The following CREB5 variants were observed in gnomAD, a reference collection of about 807,000 sequenced individuals.
CREB5 encodes the protein cAMP responsive element binding protein 5, also known as cyclic AMP-responsive element-binding protein 5.
In CREB5, 19 loss-of-function variants were observed where a neutral mutation model predicts 57.1. The ratio of observed to expected loss-of-function variants is 0.33; its 90% CI spans 0.23 to 0.49. The LOEUF is 0.49. CREB5 is among the 20% of genes least tolerant of loss of function. The probability of loss-of-function intolerance (pLI) is 0.99; values close to 1 mark genes in which losing one functional copy is unlikely to be tolerated. For missense variants in CREB5, 579 were observed against 671.6 expected, an observed-to-expected ratio of 0.86 and a Z score of 1.52; for synonymous variants, 238 against 238.3, an observed-to-expected ratio of 1.00 and a Z score of 0.01.
At chr7:28,742,494 A>G (rs1231767033) in intron 7 of CREB5, among the ~76,000 whole-genome samples, 3 of 151,908 alleles carry the variant, frequency 2.0e-5, no homozygotes, top group Admixed American at 2.0e-4. Context: ...TGAACCTGGG[A>G]GGCGGAGCTT....
At chr7:28,413,111 T>A (rs1787871930) in intron 1 of CREB5, among the ~76,000 whole-genome samples, 194 bp downstream of exon 1, 1 of 151,818 alleles carries the variant, frequency 6.6e-6, no homozygotes, top group Non-Finnish European at 1.5e-5. Flanking sequence ...TGTGTGTGTG[T>A]GTGTGTGTGT....
rs138922319 is a variant in CREB5 at position 28,529,022 on chromosome 7, G to A, written c.291+21285G>A. The stretch of plus-strand genomic sequence containing the variant: ...ACCAAGGAGACACACCAGTCCTTCT[G>A]AGGCAACAAACTTGGAGGTGGAAGA... On this transcript the variant is annotated intron_variant, in intron 4 of 10. Transcript: ENST00000357727. Among the ~76,000 whole-genome samples the A allele has an allele frequency of 3.7e-3, 559 of 152,270 alleles. 1 individual carries two copies. The highest frequency in any genetic ancestry group is 0.017 in the Middle Eastern group (5 of 294).
chr7:28,549,129 A>G (rs1452923480), intron 4 of CREB5, among the ~76,000 whole-genome samples: 1 of 152,172 alleles, frequency 6.6e-6, no homozygotes, highest in Non-Finnish European at 1.5e-5. Flanking sequence ...CACCACCCTC[A>G]TTTCCATTCC....
Position 28,355,923 on chromosome 7 carries a change from C to T in CREB5, c.-25+56482C>T, listed in dbSNP as rs115808842. ...TTTTTAATGCTACTTTCTGAAGAAACGAGTGACTCAAGTCGTCCATCAGGG... is the reference window on the plus strand; with the variant it reads ...TTTTTAATGCTACTTTCTGAAGAAATGAGTGACTCAAGTCGTCCATCAGGG... On this transcript the variant is annotated intron_variant, in intron 1 of 9. Transcript: ENST00000396299. Among the ~76,000 whole-genome samples, 788 of 152,272 alleles carry T rather than the reference C, an allele frequency of 5.2e-3. 6 individuals are homozygous for T. The highest frequency in any genetic ancestry group is 0.018 in the African/African-American group (753 of 41,546).
At chr7:28,606,592 C>G (rs1396251373) in intron 5 of CREB5, among the ~76,000 whole-genome samples, 1 of 152,188 alleles carries the variant, frequency 6.6e-6, no homozygotes, top group African/African-American at 2.4e-5. Flanking sequence ...CTGATTCCTA[C>G]TTAGCCCCTG....
chr7:28,666,368 C>G (rs1799823973), intron 5 of CREB5, among the ~76,000 whole-genome samples: 1 of 152,090 alleles, frequency 6.6e-6, no homozygotes, highest in African/African-American at 2.4e-5. Context: ...GGCTAGATCC[C>G]TGTTCTTATG....
At chr7:28,516,071 A>G (rs923667096) in intron 4 of CREB5, among the ~76,000 whole-genome samples, 4 of 152,144 alleles carry the variant, frequency 2.6e-5, no homozygotes, top group East Asian at 1.9e-4. Context: ...AAAATTATCC[A>G]GGGTTGGTGG....
At chr7:28,752,259 C>T (rs1028197438) in intron 7 of CREB5, among the ~76,000 whole-genome samples, 2 of 152,130 alleles carry the variant, frequency 1.3e-5, no homozygotes, top group East Asian at 1.9e-4. Context: ...CTCTGCCTCT[C>T]GGGTTCAAGT....
At chr7:28,334,243 C>A (rs1277023447) in intron 1 of CREB5, among the ~76,000 whole-genome samples, 9 of 152,098 alleles carry the variant, frequency 5.9e-5, no homozygotes, top group African/African-American at 1.9e-4. Flanking sequence ...GCAACCTCCA[C>A]CTCCCAGGTT....
At chr7:28,389,594 C>A (rs1358737576) in intron 1 of CREB5, among the ~76,000 whole-genome samples, 3 of 151,232 alleles carry the variant, frequency 2.0e-5, no homozygotes, top group Non-Finnish European at 4.4e-5. Flanking sequence ...TTAAAACTTC[C>A]TGTAGAGGGC....
At chr7:28,569,119 C>T (rs1795598040) in intron 4 of CREB5, among the ~76,000 whole-genome samples, 1 of 151,736 alleles carries the variant, frequency 6.6e-6, no homozygotes, top group Non-Finnish European at 1.5e-5. Context: ...TTACCTATTA[C>T]TTTGTTTGGC....
chr7:28,789,155 G>A (rs140789785), intron 7 of CREB5, among the ~76,000 whole-genome samples: 111 of 152,296 alleles, frequency 7.3e-4, no homozygotes, highest in African/African-American at 2.6e-3. Context: ...GAAACCACCT[G>A]TATTTGTCAC....
intron 5 of CREB5, among the ~76,000 whole-genome samples, chr7:28,653,198 T>C (rs1799211886): frequency 6.6e-6 from 1 of 152,208 alleles, no homozygotes; most frequent in Non-Finnish European, 1.5e-5. Context: ...GAGCCATCCA[T>C]AAATAAATTA....
chr7:28,733,996 G>A (rs1021666438), intron 7 of CREB5, among the ~76,000 whole-genome samples: 3 of 151,988 alleles, frequency 2.0e-5, no homozygotes, highest in Non-Finnish European at 4.4e-5. Flanking sequence ...CACTGAACAG[G>A]TGTGAATTCT....
At chr7:28,455,678 A>G (rs1473839383) in intron 1 of CREB5, among the ~76,000 whole-genome samples, 1 of 150,830 alleles carries the variant, frequency 6.6e-6, no homozygotes, top group Admixed American at 6.6e-5. Context: ...TGCTTCATGG[A>G]GGAATGCGGG....
At chr7:28,664,200 C>G (rs1430395760) in intron 5 of CREB5, among the ~76,000 whole-genome samples, 1 of 152,132 alleles carries the variant, frequency 6.6e-6, no homozygotes, top group East Asian at 1.9e-4. Flanking sequence ...TCAACTTCAT[C>G]ATGAAAAACA....
chr7:28,546,862 G>A (rs1794442983), intron 4 of CREB5, among the ~76,000 whole-genome samples: 1 of 152,176 alleles, frequency 6.6e-6, no homozygotes, highest in Non-Finnish European at 1.5e-5. Flanking sequence ...TATAAAGTGT[G>A]TTTACATGGG....
At chr7:28,724,019 T>TAGA (rs1012806299) in intron 6 of CREB5, among the ~76,000 whole-genome samples, 1 of 152,190 alleles carries the variant, frequency 6.6e-6, no homozygotes, top group African/African-American at 2.4e-5. Context: ...GCACCCTGTA[T>TAGA]AGAAGCACGG....
chr7:28,300,050 CTTTATTTATTTA>C (rs150788504), intron 1 of CREB5, among the ~76,000 whole-genome samples: 53,904 of 144,106 alleles, frequency 0.37, 10,925 homozygotes, highest in Middle Eastern at 0.49. Context: ...TGCTTTTTAG[CTTTATTTATTTA>C]TTTATTTATT....
Sources: allele counts gnomAD v4.1 joint callset (sites outside exome capture counted in the v4.1 genomes callset), GRCh38; gene constraint gnomAD v4.1.1; transcripts MANE v1.5; gene names NCBI Gene and HGNC (gene_info 2026-07-23, HGNC 2026-07-21).